Variants in UBE3D observed in about 807,000 individuals in gnomAD.
UBE3D encodes the protein ubiquitin protein ligase E3D.
In UBE3D, 48 loss-of-function variants were observed where a neutral mutation model predicts 49.6. The ratio of observed to expected loss-of-function variants is 0.97; its 90% CI spans 0.77 to 1.23. The LOEUF (loss-of-function observed/expected upper bound fraction) is 1.23, where lower values mean the gene tolerates loss of function less well. UBE3D is among the 50% of genes most tolerant of loss of function. UBE3D has a pLI of 0.00. For synonymous variants in UBE3D, 189 were observed against 174.2 expected, an observed-to-expected ratio of 1.08 and a Z score of -0.67; for missense variants, 452 against 468.4, an observed-to-expected ratio of 0.96 and a Z score of 0.32.
At chr6:82,917,284 C>G (rs562660647) in intron 9 of UBE3D, among the ~76,000 whole-genome samples, 1 of 152,180 alleles carries the variant, frequency 6.6e-6, no homozygotes, top group African/African-American at 2.4e-5. Flanking sequence ...AGGCAGATAG[C>G]TAGACATGAA....
intron 5 of UBE3D, among the ~76,000 whole-genome samples, chr6:83,034,828 G>T (rs1263417899): frequency 6.6e-6 from 1 of 151,762 alleles, no homozygotes; most frequent in African/African-American, 2.4e-5. Context: ...GTGTGAAAAT[G>T]GACTAATACA....
chr6:82,980,534 T>C (rs1396321143), intron 8 of UBE3D, among the ~76,000 whole-genome samples: 1 of 152,132 alleles, frequency 6.6e-6, no homozygotes, highest in African/African-American at 2.4e-5. Context: ...TGTTATCTGT[T>C]CACTAAGTTA....
At chr6:82,967,573 A>G (rs1777039370) in intron 8 of UBE3D, among the ~76,000 whole-genome samples, 1 of 152,188 alleles carries the variant, frequency 6.6e-6, no homozygotes, top group Non-Finnish European at 1.5e-5. Context: ...TATAATATGT[A>G]GTCTTTTTTT....
intron 8 of UBE3D, among the ~76,000 whole-genome samples, chr6:82,990,400 C>T (rs893798817): frequency 3.3e-5 from 5 of 152,068 alleles, no homozygotes; most frequent in African/African-American, 1.2e-4. Context: ...GCCTCAGTCT[C>T]CCAAGTAGCA....
At position 83,038,460 on chromosome 6, in the gene UBE3D, A is replaced by G; in HGVS notation, c.623T>C (p.Ile208Thr). The G allele has an allele frequency of 6.2e-7, 1 of 1,611,340 alleles. No individual in the cohort carries two copies. Among genetic ancestry groups the G allele is most frequent in the Non-Finnish European group, 8.5e-7 (1 of 1,179,336 alleles). The change falls in exon 5 of 10, where the codon ATT (isoleucine) becomes ACT (threonine). Residue 208 changes from isoleucine (I) to threonine (T), a missense_variant. By Grantham distance (89) the Ile-to-Thr change is moderately conservative. Coordinates refer to ENST00000369747, the MANE Select transcript of UBE3D (RefSeq NM_198920.3). The stretch of plus-strand genomic sequence containing the variant: ...CAACATTACCTTGCAACGCTTACAA[A>G]TTACTTTGGTATTTGCCTTTGGTTC... Reference protein sequence around the residue: ...KLEPKANTKVICKRCKVMLGE... With the variant: ...KLEPKANTKVTCKRCKVMLGE...
intron 5 of UBE3D, among the ~76,000 whole-genome samples, chr6:83,033,446 C>A (rs1326247858): frequency 6.6e-6 from 1 of 151,900 alleles, no homozygotes; most frequent in Non-Finnish European, 1.5e-5. Context: ...AATTGTAATC[C>A]CTAATGTTGG....
At chr6:82,891,037 A>C (rs528314130), downstream of UBE3D, among the ~76,000 whole-genome samples, 5 of 152,270 alleles carry the variant, frequency 3.3e-5, no homozygotes, top group East Asian at 7.7e-4. Context: ...GGCATTCACC[A>C]CTAATGTATT....
the UBE3D span, among the ~76,000 whole-genome samples, chr6:82,881,603 A>T: frequency 4.4e-3 from 670 of 152,310 alleles, 9 homozygotes; most frequent in African/African-American, 0.015. Context: ...TATTAGAAAA[A>T]GAGGCTGAGT....
chr6:82,992,034 T>G (rs1410322198), intron 8 of UBE3D, among the ~76,000 whole-genome samples: 2 of 152,094 alleles, frequency 1.3e-5, no homozygotes, highest in Non-Finnish European at 2.9e-5. Context: ...AGTTTAAAGT[T>G]TTTATTACAT....
At chr6:82,949,810 T>C (rs143810746) in intron 9 of UBE3D, among the ~76,000 whole-genome samples, 3,195 of 152,238 alleles carry the variant, frequency 0.021, 45 homozygotes, top group Non-Finnish European at 0.032. Flanking sequence ...TGGATATCCA[T>C]ATGCAGAAGA....
chr6:82,996,363 T>A (rs949339911), intron 8 of UBE3D, among the ~76,000 whole-genome samples: 1 of 151,228 alleles, frequency 6.6e-6, no homozygotes, highest in Non-Finnish European at 1.5e-5. Flanking sequence ...AATAAAATCA[T>A]AGTATGGATT....
intron 8 of UBE3D, among the ~76,000 whole-genome samples, chr6:82,995,638 A>C (rs556604627): frequency 6.6e-6 from 1 of 152,194 alleles, no homozygotes; most frequent in East Asian, 1.9e-4. Context: ...ACAGTCATTT[A>C]AAAAAGGTGC....
At chr6:82,981,286 T>C (rs566453069) in intron 8 of UBE3D, among the ~76,000 whole-genome samples, 2 of 152,182 alleles carry the variant, frequency 1.3e-5, no homozygotes, top group East Asian at 3.9e-4. Flanking sequence ...AGCTTTCTTG[T>C]GAATATCAAA....
chr6:83,059,046 A>G (rs1350928952), intron 1 of UBE3D, among the ~76,000 whole-genome samples: 2 of 152,206 alleles, frequency 1.3e-5, no homozygotes, highest in Non-Finnish European at 2.9e-5. Flanking sequence ...TCAAAGTAGA[A>G]TACATATTAT....
chr6:83,031,116 T>A (rs1781837750), intron 5 of UBE3D, among the ~76,000 whole-genome samples: 1 of 152,178 alleles, frequency 6.6e-6, no homozygotes, highest in Non-Finnish European at 1.5e-5. Context: ...CAAGTGATTA[T>A]CATGCCTCAG....
intron 9 of UBE3D, among the ~76,000 whole-genome samples, chr6:82,894,816 C>G (rs1771191552): frequency 6.6e-6 from 1 of 152,158 alleles, no homozygotes; most frequent in South Asian, 2.1e-4. Flanking sequence ...AGGCGACATT[C>G]TGCTTCTACA....
intron 9 of UBE3D, among the ~76,000 whole-genome samples, chr6:82,942,851 A>C (rs1038566332): frequency 6.6e-6 from 1 of 152,232 alleles, no homozygotes; most frequent in African/African-American, 2.4e-5. Context: ...CTGAGCCCCC[A>C]CACAGAGTAC....
downstream of UBE3D, among the ~76,000 whole-genome samples, chr6:82,889,406 G>A (rs1448170055): frequency 6.6e-6 from 1 of 152,118 alleles, no homozygotes; most frequent in South Asian, 2.1e-4. Context: ...GGGTCTAATC[G>A]GATTCTTTTT....
At chr6:82,891,260 G>A (rs567900674), downstream of UBE3D, among the ~76,000 whole-genome samples, 64 of 152,312 alleles carry the variant, frequency 4.2e-4, 1 homozygote, top group South Asian at 0.013. Context: ...AACACAACTG[G>A]AGTGGAGGAG....
Sources: gnomAD v4.1 joint callset for allele counts (sites outside exome capture counted in the v4.1 genomes callset) on GRCh38, gnomAD v4.1.1 for gene constraint, MANE v1.5 for transcripts, NCBI Gene and HGNC (gene_info 2026-07-23, HGNC 2026-07-21) for gene names.